Variants in PRCP observed in about 807,000 individuals in gnomAD.
PRCP encodes prolylcarboxypeptidase.
A neutral mutation model predicts 54.2 loss-of-function variants in PRCP; 46 were observed. The ratio of observed to expected loss-of-function variants is 0.85; its 90% CI spans 0.67 to 1.09. The LOEUF (loss-of-function observed/expected upper bound fraction) is 1.09. Ranked by LOEUF, PRCP falls within the 50% of genes least tolerant of loss-of-function variation. PRCP has a pLI of 0.00. For synonymous variants in PRCP, 240 were observed against 212.2 expected, an observed-to-expected ratio of 1.13 and a Z score of -1.14; for missense variants, 613 against 596.8, an observed-to-expected ratio of 1.03 and a Z score of -0.28.
intron 2 of PRCP, among the ~76,000 whole-genome samples, chr11:82,855,544 G>A (rs954004350): frequency 1.7e-4 from 26 of 152,232 alleles, no homozygotes; most frequent in Middle Eastern, 3.4e-3. Context: ...GCGTGAACCC[G>A]GGAGGCGGAG....
chr11:82,897,847 A>G (rs1350517256), intron 1 of PRCP, among the ~76,000 whole-genome samples: 3 of 152,206 alleles, frequency 2.0e-5, no homozygotes, highest in Non-Finnish European at 4.4e-5. Context: ...ATAAAACCAC[A>G]TCCTTTATAT....
upstream of PRCP, chr11:82,900,431 G>A: frequency 1.2e-6 from 2 of 1,608,398 alleles, no homozygotes; most frequent in Admixed American, 1.7e-5. Flanking sequence ...CAGTGCGGGT[G>A]GGAGGGCGAA....
chr11:82,846,502 C>G (rs1002013835), intron 6 of PRCP, among the ~76,000 whole-genome samples: 1 of 151,916 alleles, frequency 6.6e-6, no homozygotes, highest in African/African-American at 2.4e-5. Flanking sequence ...TAAATACCAG[C>G]AATCAAGAAT....
Position 82,900,339 on chromosome 11 carries a change from G to A in PRCP, c.64C>T (p.Leu22Phe), listed in dbSNP as rs1388826479. Reference sequence around the variant, plus strand: ...CCGAGGGCCCTTAAGGCCGGCCGGAGGGCTATGGTGGCCCAGGGCGCCAGA... The same window carrying A: ...CCGAGGGCCCTTAAGGCCGGCCGGAAGGCTATGGTGGCCCAGGGCGCCAGA... ...SFLAPWATIA[L>F]RPALRALGSL... The change falls in exon 1 of 9, where the codon CTC (leucine) becomes TTC (phenylalanine). Residue 22 changes from leucine (L) to phenylalanine (F), a missense_variant. Transcript: ENST00000313010. 1.2e-6 allele frequency: 2 copies of A among 1,614,148 alleles called. No homozygotes were observed. The highest frequency in any genetic ancestry group is 1.7e-5 in the Admixed American group (1 of 60,012).
chr11:82,823,496 A>T lies in PRCP; in HGVS notation c.*1410T>A, dbSNP rs1314398702. 7 of 152,214 alleles carry T rather than the reference A, an allele frequency of 4.6e-5. No homozygotes were observed. In the East Asian group the frequency reaches 1.4e-3, roughly 29 times the overall value. 9.4% of individuals were successfully genotyped at this position (152,214 alleles called of 1,614,324 possible). A position where few individuals can be genotyped will look rare whatever the true frequency, so the allele number is the denominator to read the frequency against. On this transcript the variant is annotated 3_prime_UTR_variant, in exon 9 of 9. Transcript: ENST00000313010. ...TCCCAGATGCCAGGGAAAGTAAAGG[A>T]AATATTTCAGCTTTCCATCCCAAGA...
chr11:82,894,842 T>C (rs983527960), intron 1 of PRCP, among the ~76,000 whole-genome samples: 29 of 152,304 alleles, frequency 1.9e-4, no homozygotes, highest in African/African-American at 7.0e-4. Flanking sequence ...TCCAAAAACC[T>C]AAAAGGGTAA....
chr11:82,849,684 A>T (rs566956287), intron 5 of PRCP, among the ~76,000 whole-genome samples: 3 of 152,280 alleles, frequency 2.0e-5, no homozygotes, highest in African/African-American at 7.2e-5. Context: ...GCACGAGGAG[A>T]TTTCTGAGAT....
chr11:82,854,976 A>G (rs1003981998), intron 2 of PRCP, among the ~76,000 whole-genome samples: 5 of 152,240 alleles, frequency 3.3e-5, no homozygotes, highest in African/African-American at 9.6e-5. Flanking sequence ...CATATGCAGA[A>G]GATTGAAACT....
Position 82,849,073 on chromosome 11 carries a change from C to A in PRCP, c.897G>T (p.Gln299His), listed in dbSNP as rs182131594. 6.2e-7 allele frequency: 1 copy of A among 1,613,810 alleles called. No homozygotes were observed. The highest frequency in any genetic ancestry group is 1.3e-5 in the African/African-American group (1 of 75,008). Residue 299 changes from glutamine to histidine, a missense_variant, in exon 6 of 9, where the codon CAG (glutamine) becomes CAT (histidine). Gln to His is a conservative substitution (Grantham distance 24, BLOSUM62 0). Transcript: ENST00000313010. The part of the protein sequence containing the change: ...VDYPYASNFL[Q>H]PLPAWPIKVV... ...CCTTGATAGGCCAAGCAGGCAAAGG[C>A]TGTAAAAAGTTAGAGGCATAAGGAT...
Position 82,824,760 on chromosome 11 carries a change from C to A in PRCP, c.*146G>T. 1 of 788,940 alleles carries A rather than the reference C, an allele frequency of 1.3e-6. No homozygotes were observed. The highest frequency in any genetic ancestry group is 2.0e-6 in the Non-Finnish European group (1 of 503,218). The allele number at this position is 788,940 out of a possible 1,614,324, so 48.9% of individuals were successfully genotyped here. On this transcript the variant is annotated 3_prime_UTR_variant, in exon 9 of 9. Transcript: ENST00000313010. Reference sequence around the variant, plus strand: ...ACATTCATGGGACACTTGCTCTTACCGTCATCACCCTCTATTCTATCTCAA... The same window carrying A: ...ACATTCATGGGACACTTGCTCTTACAGTCATCACCCTCTATTCTATCTCAA...
chr11:82,896,741 G>C (rs1860128594), intron 1 of PRCP, among the ~76,000 whole-genome samples: 1 of 144,244 alleles, frequency 6.9e-6, no homozygotes, highest in Non-Finnish European at 1.5e-5. Context: ...TCTGCCAGCA[G>C]AATGCCTGGG....
At chr11:82,877,716 G>T (rs1435901471) in intron 1 of PRCP, among the ~76,000 whole-genome samples, 1 of 152,372 alleles carries the variant, frequency 6.6e-6, no homozygotes, top group Middle Eastern at 3.4e-3. Flanking sequence ...GGATGCCCAG[G>T]CAAAAGTTTG....
intron 5 of PRCP, 107 bp from the exon 6 acceptor site, chr11:82,849,325 C>T (rs897677397): frequency 5.7e-6 from 7 of 1,221,656 alleles, no homozygotes; most frequent in Admixed American, 2.7e-5. Context: ...ATCTTTTATA[C>T]CCCTTCTCCC....
At chr11:82,886,324 G>A (rs540756138) in intron 1 of PRCP, among the ~76,000 whole-genome samples, 32 of 151,770 alleles carry the variant, frequency 2.1e-4, no homozygotes, top group South Asian at 1.0e-3. Context: ...TCATTCTGTC[G>A]CCCATGCTGG....
rs187381633 is a variant in PRCP, at chr11:82,898,668, C to T, written c.168+1567G>A. The stretch of plus-strand genomic sequence containing the variant: ...TCCCCAAAGAGCCCTTAATTTTCCT[C>T]AGTAAAGTGTAAAACACATTGGTCC... On this transcript the variant is annotated intron_variant, in intron 1 of 8. Coordinates refer to ENST00000313010, the MANE Select transcript of PRCP (RefSeq NM_005040.4). Among the ~76,000 whole-genome samples, 39 of 152,332 alleles carry T rather than the reference C, an allele frequency of 2.6e-4. No individual in the cohort carries two copies. The East Asian group carries it at 7.5e-3, about 29-fold the overall frequency.
intron 6 of PRCP, among the ~76,000 whole-genome samples, chr11:82,843,002 C>T (rs765815929): frequency 2.6e-4 from 39 of 152,278 alleles, no homozygotes; most frequent in South Asian, 4.1e-4. Flanking sequence ...TATTCCTATG[C>T]TTATTTAAAG....
chr11:82,826,336 T>G (rs543437236), intron 8 of PRCP: 1 of 152,368 alleles, frequency 6.6e-6, no homozygotes, highest in Admixed American at 6.5e-5. Context: ...ATATTTCATT[T>G]ATGGATACAT....
chr11:82,867,220 G>A (rs1268418636), intron 1 of PRCP, among the ~76,000 whole-genome samples: 1 of 151,888 alleles, frequency 6.6e-6, no homozygotes, highest in East Asian at 1.9e-4. Flanking sequence ...CTATCTATGT[G>A]GAAAAAAAAA....
In PRCP at chr11:82,900,211, G is replaced by A. The variant is rs776767303; in HGVS notation, c.168+24C>T. On this transcript the variant is annotated intron_variant, in intron 1 of 8. Transcript: ENST00000313010. ...GGTTCCCGGCGGTTGGGCCTGGGACGGCGAAGCCCCCGCTCCCCCTTACCT... is the reference window on the plus strand; with the variant it reads ...GGTTCCCGGCGGTTGGGCCTGGGACAGCGAAGCCCCCGCTCCCCCTTACCT... 5.6e-6 allele frequency: 9 copies of A among 1,612,692 alleles called. No homozygotes were observed. The East Asian group carries it at 1.6e-4, about 28-fold the overall frequency.
Sources: gnomAD v4.1 joint callset for allele counts (sites outside exome capture counted in the v4.1 genomes callset) on GRCh38, gnomAD v4.1.1 for gene constraint, MANE v1.5 for transcripts, NCBI Gene and HGNC (gene_info 2026-07-23, HGNC 2026-07-21) for gene names.